The following DNAJC1 variants were observed in gnomAD, a reference collection of about 807,000 sequenced individuals.
DNAJC1 encodes the protein dnaJ homolog subfamily C member 1.
A neutral mutation model predicts 76.6 loss-of-function variants in DNAJC1; 58 were observed. The observed-to-expected ratio is 0.76, with a 90% CI of 0.61 to 0.94. The LOEUF (loss-of-function observed/expected upper bound fraction) is 0.94, where lower values mean the gene tolerates loss of function less well. DNAJC1 is among the 40% of genes least tolerant of loss of function. The pLI is 0.00. For synonymous variants in DNAJC1, 258 were observed against 267.9 expected (o/e 0.96, Z 0.36); for missense variants, 689 against 677.3 (o/e 1.02, Z -0.19).
intron 7 of DNAJC1, among the ~76,000 whole-genome samples, chr10:21,904,258 T>C (rs1459326357): frequency 1.3e-5 from 2 of 152,126 alleles, no homozygotes; most frequent in African/African-American, 4.8e-5. Context: ...CTTTGCAGAC[T>C]TTGGATGCCC....
chr10:21,898,615 C>T lies in DNAJC1; in HGVS notation c.820+5907G>A, dbSNP rs541350602. ...TTGCCCAGGCTGGAGTGCAATGGCG[C>T]GATCTTGGCTCACTGCAACCTCCAC... On this transcript the variant is annotated intron_variant, in intron 7 of 11. Transcript: ENST00000376980. 8.0e-5 allele frequency among the ~76,000 whole-genome samples: 12 copies of T among 149,940 alleles called. 1 individual carries two copies. The highest frequency in any genetic ancestry group is 2.1e-4 in the South Asian group (1 of 4,762).
intron 8 of DNAJC1, among the ~76,000 whole-genome samples, chr10:21,833,709 C>T (rs1456690917): frequency 1.3e-5 from 2 of 152,000 alleles, no homozygotes; most frequent in African/African-American, 4.8e-5. Context: ...CACACAGTAG[C>T]CACTTAATAA....
intron 8 of DNAJC1, among the ~76,000 whole-genome samples, chr10:21,812,002 G>A (rs1413423256): frequency 6.6e-6 from 1 of 151,828 alleles, no homozygotes; most frequent in Admixed American, 6.6e-5. Flanking sequence ...TGACCATTCT[G>A]GTGGGACTGA....
At chr10:21,975,339 G>C (rs1838045220) in intron 1 of DNAJC1, among the ~76,000 whole-genome samples, 1 of 151,958 alleles carries the variant, frequency 6.6e-6, no homozygotes, top group African/African-American at 2.4e-5. Flanking sequence ...ATAAATAAAT[G>C]AGAAAGAGAG....
At chr10:21,935,009 A>G (rs1417199718) in intron 1 of DNAJC1, among the ~76,000 whole-genome samples, 1 of 152,188 alleles carries the variant, frequency 6.6e-6, no homozygotes, top group Non-Finnish European at 1.5e-5. Flanking sequence ...AAGCAGCAAC[A>G]AAAACCTCTA....
chr10:21,900,138 T>G (rs1364160324), intron 7 of DNAJC1, among the ~76,000 whole-genome samples: 1 of 151,716 alleles, frequency 6.6e-6, no homozygotes, highest in African/African-American at 2.4e-5. Context: ...AGGTCAGGAG[T>G]TCGAGACCAG....
At chr10:21,793,442 A>AC (rs2131635501) in intron 9 of DNAJC1, among the ~76,000 whole-genome samples, 1 of 152,360 alleles carries the variant, frequency 6.6e-6, no homozygotes, top group African/African-American at 2.4e-5. Flanking sequence ...TCTGTATAAT[A>AC]TTGTACTAGA....
intron 1 of DNAJC1, among the ~76,000 whole-genome samples, chr10:21,969,223 CAAAAAAAAAA>C (rs561143181): frequency 6.0e-4 from 52 of 87,056 alleles, no homozygotes; most frequent in African/African-American, 2.2e-3. Context: ...GACTCCATTT[CAAAAAAAAAA>C]AAAAAAAAAA....
chr10:21,822,053 G>A (rs1835168654), intron 8 of DNAJC1, among the ~76,000 whole-genome samples: 1 of 152,116 alleles, frequency 6.6e-6, no homozygotes, highest in African/African-American at 2.4e-5. Context: ...AATCATATAT[G>A]TATACTGGAA....
intron 1 of DNAJC1, among the ~76,000 whole-genome samples, chr10:21,938,346 T>TAA (rs74419481): frequency 6.9e-6 from 1 of 144,336 alleles, no homozygotes; most frequent in Non-Finnish European, 1.5e-5. Flanking sequence ...TAAACACACT[T>TAA]AAAAAAAAAA....
intron 8 of DNAJC1, among the ~76,000 whole-genome samples, chr10:21,813,188 CTCTCTCTCTCT>C (rs1835007269): frequency 2.3e-5 from 1 of 43,850 alleles, no homozygotes; most frequent in South Asian, 7.9e-4. Flanking sequence ...CTCTCTCTCT[CTCTCTCTCTCT>C]CTCTCTCTCT....
intron 9 of DNAJC1, among the ~76,000 whole-genome samples, chr10:21,803,508 A>G (rs374674861): frequency 1.3e-5 from 2 of 152,128 alleles, no homozygotes; most frequent in African/African-American, 4.8e-5. Flanking sequence ...GAACCATTTT[A>G]GCTGTTTCAA....
chr10:21,963,365 G>A (rs1302601983), intron 1 of DNAJC1, among the ~76,000 whole-genome samples: 1 of 152,096 alleles, frequency 6.6e-6, no homozygotes, highest in African/African-American at 2.4e-5. Flanking sequence ...TTACATGCAA[G>A]GTGTGTAAGG....
At chr10:21,985,929 A>T (rs1372068257) in intron 1 of DNAJC1, among the ~76,000 whole-genome samples, 3 of 148,906 alleles carry the variant, frequency 2.0e-5, no homozygotes, top group South Asian at 2.1e-4. Context: ...CTTTTTTATT[A>T]AAAAAAAAAC....
chr10:21,974,113 A>G (rs1205773266), intron 1 of DNAJC1, among the ~76,000 whole-genome samples: 1 of 151,910 alleles, frequency 6.6e-6, no homozygotes, highest in Non-Finnish European at 1.5e-5. Context: ...AAAAAAAAAA[A>G]AGAAAAAAGA....
At chr10:21,778,007 G>A (rs1316840280) in intron 9 of DNAJC1, among the ~76,000 whole-genome samples, 2 of 152,156 alleles carry the variant, frequency 1.3e-5, no homozygotes, top group Non-Finnish European at 2.9e-5. Context: ...GGCCAACATG[G>A]TGAAACCACA....
intron 9 of DNAJC1, among the ~76,000 whole-genome samples, chr10:21,790,010 T>TAAAAAAAAAAAAAAAAAAAAAAAAAAAA (rs35639440): frequency 1.7e-4 from 7 of 41,090 alleles, no homozygotes; most frequent in African/African-American, 7.1e-4. Context: ...GCTCTGTCTT[T>TAAAAAAAAAAAAAAAAAAAAAAAAAAAA]AAAAAAAAAA....
chr10:21,895,710 C>T (rs1187195020), intron 7 of DNAJC1, among the ~76,000 whole-genome samples: 2 of 152,088 alleles, frequency 1.3e-5, no homozygotes, highest in South Asian at 2.1e-4. Flanking sequence ...AAGACAGATG[C>T]TATTCATCAA....
chr10:21,997,538 A>G (rs1838438318), intron 1 of DNAJC1, among the ~76,000 whole-genome samples: 1 of 152,152 alleles, frequency 6.6e-6, no homozygotes, highest in Non-Finnish European at 1.5e-5. Context: ...AACAGAGCAA[A>G]GGCAATCACC....
Sources: allele counts gnomAD v4.1 joint callset (sites outside exome capture counted in the v4.1 genomes callset), GRCh38; gene constraint gnomAD v4.1.1; transcripts MANE v1.5; gene names NCBI Gene and HGNC (gene_info 2026-07-23, HGNC 2026-07-21).